The following NPAT variants were observed in gnomAD, a reference collection of about 807,000 sequenced individuals.
NPAT encodes protein NPAT.
In NPAT, 52 loss-of-function variants were observed where a neutral mutation model predicts 130.7. The observed-to-expected ratio is 0.40, with a 90% CI of 0.32 to 0.50. The LOEUF (loss-of-function observed/expected upper bound fraction) is 0.50. NPAT is among the 20% of genes least tolerant of loss of function. The pLI is 0.68. For missense variants in NPAT, 1,687 were observed against 1,662.6 expected, an observed-to-expected ratio of 1.01 and a Z score of -0.26; for synonymous variants, 580 against 584.8, an observed-to-expected ratio of 0.99 and a Z score of 0.12.
rs1429607912 is a variant in NPAT, at chr11:108,191,976, C to A, written c.290+142G>T. The A allele has an allele frequency of 1.0e-5, 7 of 683,594 alleles. No individual in the cohort carries two copies. The East Asian group carries it at 1.8e-4, about 18-fold the overall frequency. The allele number at this position is 683,594 out of a possible 1,614,324, so 42.3% of individuals were successfully genotyped here. ...TATTTCAAATTATGTCAGTCAGTAA[C>A]CTCCACAGTACCAGCAACCTCTAGA... On this transcript the variant is annotated intron_variant, in intron 4 of 17. Transcript: ENST00000278612.
intron 7 of NPAT, 83 bp downstream of exon 7, chr11:108,188,015 T>C (rs933468394): frequency 1.1e-6 from 1 of 943,028 alleles, no homozygotes; most frequent in Non-Finnish European, 1.7e-6. Context: ...ATTAGTTTAT[T>C]CACAATGTAA....
Position 108,161,209 on chromosome 11 carries a change from T to C in NPAT, c.3877A>G (p.Arg1293Gly). 1 of 1,614,162 alleles carries C rather than the reference T, an allele frequency of 6.2e-7. No individual in the cohort carries two copies. The highest frequency in any genetic ancestry group is 8.5e-7 in the Non-Finnish European group (1 of 1,180,020). ...GTACTACTGTCTTCACTGAAACGCC[T>C]ACTAGAGGGGGCCTTGATAATATCT... ...PIDIIKAPSS[R>G]RFSEDSSTSK... is the part of the protein sequence containing the mutation. The change falls in exon 17 of 18, where the codon AGG (arginine) becomes GGG (glycine). Residue 1293 changes from arginine to glycine, a missense_variant. Coordinates refer to ENST00000278612, the MANE Select transcript of NPAT (RefSeq NM_002519.3).
chr11:108,191,329 G>A (rs2078167314), intron 4 of NPAT, among the ~76,000 whole-genome samples: 1 of 152,050 alleles, frequency 6.6e-6, no homozygotes, highest in South Asian at 2.1e-4. Flanking sequence ...CAACAAACAT[G>A]GAAAAATTCA....
At chr11:108,197,863 G>C (rs900906379) in intron 1 of NPAT, among the ~76,000 whole-genome samples, 1 of 152,168 alleles carries the variant, frequency 6.6e-6, no homozygotes, top group Admixed American at 6.5e-5. Flanking sequence ...TTTATAAAAA[G>C]AATGAACAGA....
rs576137370 is a variant in NPAT at position 108,187,402 on chromosome 11, T to G, written c.638+696A>C. Among the ~76,000 whole-genome samples the G allele has an allele frequency of 1.8e-4, 27 of 152,322 alleles. No individual in the cohort carries two copies. In the South Asian group the frequency reaches 4.3e-3, roughly 25 times the overall value. ...ACAAGTTCGAGGCTGCAGTGAGTTA[T>G]GATTGTACCACTATACTCTAACCTG... On this transcript the variant is annotated intron_variant, in intron 7 of 17. Coordinates refer to ENST00000278612, the MANE Select transcript of NPAT (RefSeq NM_002519.3).
chr11:108,172,714 G>C lies in NPAT; in HGVS notation c.2270C>G (p.Thr757Ser), dbSNP rs1199408914. The C allele has an allele frequency of 1.2e-6, 2 of 1,613,588 alleles. No homozygotes were observed. The highest frequency in any genetic ancestry group is 4.5e-5 in the East Asian group (2 of 44,872). Residue 757 changes from threonine (T) to serine (S), a missense_variant, in exon 13 of 18, where the codon ACC (threonine) becomes AGC (serine). Physicochemically the swap from Thr to Ser is moderately conservative, Grantham distance 58. Coordinates refer to ENST00000278612, the MANE Select transcript of NPAT (RefSeq NM_002519.3). ...TCCATTAATACTAGAAACAGCACTG[G>C]TAAGTTCAGTATCTGAGGAAACAAA... is the stretch of plus-strand genomic sequence containing the variant. ...DPFVSSDTEL[T>S]SAVSSINGEN...
intron 15 of NPAT, among the ~76,000 whole-genome samples, chr11:108,166,007 C>T (rs1001120593): frequency 0.01 from 2 of 194 alleles, no homozygotes; most frequent in African/African-American, 0.029. Context: ...TGATCTCAAA[C>T]TCCTGGGCTC....
intron 10 of NPAT, among the ~76,000 whole-genome samples, chr11:108,183,632 T>C (rs2134853548): frequency 6.6e-6 from 1 of 152,040 alleles, no homozygotes; most frequent in East Asian, 1.9e-4. Context: ...TGAAACCTAG[T>C]CTCTACTAAA....
intron 5 of NPAT, 149 bp from the exon 6 acceptor site, chr11:108,189,479 G>A (rs898809113): frequency 3.1e-5 from 22 of 704,188 alleles, no homozygotes; most frequent in South Asian, 6.2e-5. Context: ...AAATTTATGC[G>A]ACTTTCAGAA....
chr11:108,159,109 C>T (rs1397221165), intron 17 of NPAT, 90 bp from the exon 18 acceptor site: 1 of 760,548 alleles, frequency 1.3e-6, no homozygotes, highest in Non-Finnish European at 2.2e-6. Flanking sequence ...TGGGTTCTTT[C>T]ACATACTACT....
chr11:108,209,982 T>A, intron 1 of NPAT, among the ~76,000 whole-genome samples: 1 of 139,548 alleles, frequency 7.2e-6, no homozygotes, highest in African/African-American at 2.7e-5. Flanking sequence ...AAGCAGAGTA[T>A]ACATAAATGA....
At position 108,161,797 on chromosome 11, in the gene NPAT, T is replaced by G. The variant is rs776014788; in HGVS notation, c.3289A>C (p.Asn1097His). 6 of 1,614,048 alleles carry G rather than the reference T, an allele frequency of 3.7e-6. No individual in the cohort carries two copies. The South Asian group carries it at 6.6e-5, about 18-fold the overall frequency. The stretch of plus-strand genomic sequence containing the variant: ...GAGGACACATTGGGTGAGTCAAGAT[T>G]AGGAAAAGAGACTGCATTCCTTTCT... ...NKERNAVSFP[N>H]LDSPNVSSTL... Residue 1097 changes from asparagine to histidine, a missense_variant, in exon 17 of 18, where the codon AAT (asparagine) becomes CAT (histidine). Transcript: ENST00000278612.
chr11:108,187,882 C>T (rs560985011), intron 7 of NPAT, among the ~76,000 whole-genome samples: 32 of 152,168 alleles, frequency 2.1e-4, no homozygotes, highest in African/African-American at 7.7e-4. Context: ...AAACATATTT[C>T]CCATGAAACA....
At chr11:108,194,641 A>G (rs532888923) in intron 2 of NPAT, among the ~76,000 whole-genome samples, 9 of 152,106 alleles carry the variant, frequency 5.9e-5, no homozygotes, top group Non-Finnish European at 1.2e-4. Flanking sequence ...CGTTGTCACC[A>G]GTTTTTAAAA....
rs940646759 is a variant in NPAT at position 108,161,858 on chromosome 11, C to T, written c.3228G>A (p.Thr1076=). The part of the protein sequence containing the change: ...FDSTTAPVAN[T]QGPNHKMVSQ... Reference sequence around the variant, plus strand: ...ACACCATCTTATGGTTTGGCCCCTGCGTATTTGCCACAGGAGCAGTAGTGC... The same window carrying T: ...ACACCATCTTATGGTTTGGCCCCTGTGTATTTGCCACAGGAGCAGTAGTGC... Residue 1076 remains threonine, a synonymous_variant, in exon 17 of 18, where the codon ACG becomes ACA. Transcript: ENST00000278612. 19 of 1,613,910 alleles carry T rather than the reference C, an allele frequency of 1.2e-5. No individual in the cohort carries two copies. Among genetic ancestry groups the T allele is most frequent in the Admixed American group, 1.7e-5 (1 of 59,990 alleles).
chr11:108,177,201 T>A, intron 10 of NPAT, 111 bp from the exon 11 acceptor site: 1 of 478,472 alleles, frequency 2.1e-6, no homozygotes, highest in African/African-American at 2.0e-5. Flanking sequence ...TGGAGTGTAG[T>A]GGTACAGTGG....
chr11:108,207,675 G>A (rs2078342274), intron 1 of NPAT, among the ~76,000 whole-genome samples: 1 of 152,242 alleles, frequency 6.6e-6, no homozygotes, highest in Admixed American at 6.5e-5. Flanking sequence ...GGAGCAGGGA[G>A]AGGCCAGGCA....
At chr11:108,212,326 A>G (rs953526489) in intron 1 of NPAT, among the ~76,000 whole-genome samples, 13 of 152,196 alleles carry the variant, frequency 8.5e-5, no homozygotes, top group African/African-American at 2.4e-4. Context: ...GGAGTTCCAG[A>G]CCAGCCTGCT....
Position 108,185,281 on chromosome 11 carries a change from T to G in NPAT, c.857A>C (p.Asn286Thr). Residue 286 changes from asparagine (N) to threonine (T), a missense_variant, in exon 10 of 18, where the codon AAC (asparagine) becomes ACC (threonine). Asn to Thr is a moderately conservative substitution (Grantham distance 65). Around this residue, in one of 3 missense-constraint regions of NPAT, gnomAD observed 1,379 missense variants for 1,346.6 expected, o/e 1.02. Coordinates refer to ENST00000278612, the MANE Select transcript of NPAT (RefSeq NM_002519.3). ...NIAQVPKQTD[N>T]NPTEPETSID... ...TGAAGTCTCTGGCTCCGTAGGGTTG[T>G]TATCTGTTTGCTTAGGTACTTGGGC... The G allele has an allele frequency of 6.2e-7, 1 of 1,612,512 alleles. No individual in the cohort carries two copies. The highest frequency in any genetic ancestry group is 8.5e-7 in the Non-Finnish European group (1 of 1,179,092).
Sources: gnomAD v4.1 joint callset for allele counts (sites outside exome capture counted in the v4.1 genomes callset) on GRCh38, gnomAD v4.1.1 for gene constraint, gnomAD v4.1.1 regional missense constraint, MANE v1.5 for transcripts, NCBI Gene and HGNC (gene_info 2026-07-23, HGNC 2026-07-21) for gene names.